Variants in BNC2 observed in about 807,000 individuals in gnomAD.
The protein encoded by BNC2 is zinc finger protein basonuclin-2.
Under a neutral mutation model 76.3 loss-of-function variants are expected in BNC2, and 20 were observed. That is an observed-to-expected ratio of 0.26 (90% CI 0.18 to 0.38). The LOEUF (loss-of-function observed/expected upper bound fraction) is 0.38. Ranked by LOEUF, BNC2 falls within the 10% of genes least tolerant of loss-of-function variation. The pLI is 1.00. For synonymous variants in BNC2, 582 were observed against 514.8 expected (o/e 1.13, Z -1.77); for missense variants, 1,382 against 1,399.8 (o/e 0.99, Z 0.20).
At chr9:16,667,074 T>TACAC (rs1229856022) in intron 3 of BNC2, among the ~76,000 whole-genome samples, 10 of 144,766 alleles carry the variant, frequency 6.9e-5, no homozygotes, top group African/African-American at 2.5e-4. Context: ...ATCACTCAGA[T>TACAC]ACACATACAC....
chr9:16,486,958 C>G (rs1357457268), intron 5 of BNC2, among the ~76,000 whole-genome samples: 3 of 152,196 alleles, frequency 2.0e-5, no homozygotes, highest in Admixed American at 2.0e-4. Flanking sequence ...GTCCTCCCAT[C>G]TTGGCCTCAA....
chr9:16,431,147 A>G (rs1472156587), intron 6 of BNC2, among the ~76,000 whole-genome samples: 1 of 152,230 alleles, frequency 6.6e-6, no homozygotes, highest in Non-Finnish European at 1.5e-5. Context: ...TTCTGAGTAC[A>G]AAGTCTTCAT....
At chr9:16,858,825 G>GA (rs1208880381) in intron 1 of BNC2, among the ~76,000 whole-genome samples, 1 of 150,068 alleles carries the variant, frequency 6.7e-6, no homozygotes, top group East Asian at 2.0e-4. Context: ...CAGCCTGGGC[G>GA]AAAGAGGGAG....
At chr9:16,420,962 T>C (rs781298374) in intron 6 of BNC2, among the ~76,000 whole-genome samples, 10 of 152,218 alleles carry the variant, frequency 6.6e-5, no homozygotes, top group Non-Finnish European at 1.5e-4. Context: ...TCAATACTGG[T>C]GGAAGCTCTA....
intron 1 of BNC2, among the ~76,000 whole-genome samples, chr9:16,772,050 C>G (rs1027214811): frequency 6.6e-6 from 1 of 152,142 alleles, no homozygotes; most frequent in Non-Finnish European, 1.5e-5. Flanking sequence ...AATCTTAAAA[C>G]AAATGATAGT....
At chr9:16,560,087 G>C (rs7029648) in intron 4 of BNC2, among the ~76,000 whole-genome samples, 11,119 of 152,228 alleles carry the variant, frequency 0.073, 1,048 homozygotes, top group African/African-American at 0.21. Context: ...GAATCAAGTG[G>C]AGGACCTGTT....
chr9:16,730,571 T>C (rs181527341), intron 2 of BNC2, among the ~76,000 whole-genome samples: 2 of 152,286 alleles, frequency 1.3e-5, no homozygotes, highest in Admixed American at 1.3e-4. Context: ...CAATACAGTC[T>C]GTACAGGGTT....
chr9:16,702,195 TC>T (rs1823535413), intron 3 of BNC2, among the ~76,000 whole-genome samples: 1 of 152,274 alleles, frequency 6.6e-6, no homozygotes, highest in South Asian at 2.1e-4. Context: ...GTGTAAACAC[TC>T]GAAGCTTTAG....
intron 3 of BNC2, among the ~76,000 whole-genome samples, chr9:16,660,201 T>A (rs1035753325): frequency 2.0e-5 from 3 of 152,204 alleles, no homozygotes; most frequent in Non-Finnish European, 1.5e-5. Flanking sequence ...AAGCCTGTAA[T>A]CCCAGCACTT....
At chr9:16,526,946 G>C (rs1350169226) in intron 5 of BNC2, among the ~76,000 whole-genome samples, 3 of 152,190 alleles carry the variant, frequency 2.0e-5, no homozygotes, top group Admixed American at 1.3e-4. Flanking sequence ...AGTTGGTACA[G>C]TCAATGCCAA....
At chr9:16,846,601 G>T (rs1818988687) in intron 1 of BNC2, among the ~76,000 whole-genome samples, 1 of 152,188 alleles carries the variant, frequency 6.6e-6, no homozygotes, top group South Asian at 2.1e-4. Context: ...CTTTCAGCAG[G>T]CATGGACAAG....
intron 5 of BNC2, among the ~76,000 whole-genome samples, chr9:16,512,291 T>G (rs1009823174): frequency 6.6e-6 from 1 of 152,150 alleles, no homozygotes. Context: ...CAACATGTGG[T>G]AAATAAAATT....
At chr9:16,820,542 G>A (rs190663094) in intron 1 of BNC2, among the ~76,000 whole-genome samples, 4 of 152,162 alleles carry the variant, frequency 2.6e-5, no homozygotes, top group Admixed American at 6.5e-5. Context: ...TCCACAACCA[G>A]GCTTAAATAA....
At position 16,732,162 on chromosome 9, in the gene BNC2, A is replaced by AAAAAAAAAAAG. The variant is rs59888253; in HGVS notation, c.130-4166_130-4165insCTTTTTTTTTT. The stretch of plus-strand genomic sequence containing the variant: ...GTTTTTCCCTCCATTTCCTGCAAAA[A>AAAAAAAAAAAG]AAAAAGAAAAAGAAACAAAAAAGAA... On this transcript the variant is annotated intron_variant, in intron 2 of 6. Transcript: ENST00000380672. Among the ~76,000 whole-genome samples the AAAAAAAAAAAG allele has an allele frequency of 5.2e-3, 646 of 123,574 alleles. 18 individuals are homozygous for AAAAAAAAAAAG. Among genetic ancestry groups the AAAAAAAAAAAG allele is most frequent in the African/African-American group, 0.016 (532 of 33,956 alleles). 81.1% of individuals were successfully genotyped at this position (123,574 alleles called of 152,430 possible).
intron 3 of BNC2, among the ~76,000 whole-genome samples, chr9:16,651,019 G>C (rs1231591105): frequency 1.3e-5 from 2 of 152,014 alleles, no homozygotes; most frequent in African/African-American, 2.4e-5. Flanking sequence ...CACCAGAAAG[G>C]ATAGTAACTG....
intron 1 of BNC2, among the ~76,000 whole-genome samples, chr9:16,801,751 C>CAA (rs1463738997): frequency 6.7e-6 from 1 of 149,374 alleles, no homozygotes; most frequent in African/African-American, 2.5e-5. Context: ...AAAACACACA[C>CAA]ACACAGAAAA....
At chr9:16,865,407 C>G (rs1052459369) in intron 1 of BNC2, among the ~76,000 whole-genome samples, 1 of 152,242 alleles carries the variant, frequency 6.6e-6, no homozygotes, top group East Asian at 1.9e-4. Flanking sequence ...ACAACCAAAA[C>G]TCTCAAAGCC....
At chr9:16,844,493 C>CTTT (rs67281132) in intron 1 of BNC2, among the ~76,000 whole-genome samples, 13 of 103,318 alleles carry the variant, frequency 1.3e-4, no homozygotes, top group African/African-American at 4.6e-4. Context: ...TTTTTCTTTT[C>CTTT]TTTTTTTTTT....
chr9:16,442,100 T>C (rs116622325), intron 5 of BNC2, among the ~76,000 whole-genome samples: 1,633 of 152,330 alleles, frequency 0.011, 26 homozygotes, highest in African/African-American at 0.037. Context: ...CAGTGACTTT[T>C]AACCCTTCAG....
Sources: gnomAD v4.1 joint callset for allele counts (sites outside exome capture counted in the v4.1 genomes callset) on GRCh38, gnomAD v4.1.1 for gene constraint, MANE v1.5 for transcripts, NCBI Gene and HGNC (gene_info 2026-07-23, HGNC 2026-07-21) for gene names.